The following GALNTL6 variants were observed in gnomAD, a reference collection of about 807,000 sequenced individuals.
GALNTL6 encodes the protein polypeptide N-acetylgalactosaminyltransferase-like 6.
GALNTL6 carries 46 observed loss-of-function variants against 73.7 expected under a neutral mutation model. That is an observed-to-expected ratio of 0.62 (90% CI 0.49 to 0.80). The LOEUF (loss-of-function observed/expected upper bound fraction) is 0.80, where lower values mean the gene tolerates loss of function less well. Among genes scored for constraint, GALNTL6 ranks in the 30% least tolerant of loss-of-function variants. GALNTL6 has a pLI of 0.00. For synonymous variants in GALNTL6, 259 were observed against 263.7 expected, an observed-to-expected ratio of 0.98 and a Z score of 0.17; for missense variants, 604 against 755.0, an observed-to-expected ratio of 0.80 and a Z score of 2.34.
intron 8 of GALNTL6, among the ~76,000 whole-genome samples, chr4:172,930,553 CTATA>C (rs1201861516): frequency 3.3e-5 from 5 of 152,022 alleles, no homozygotes; most frequent in Admixed American, 2.0e-4. Flanking sequence ...AAACAAATAT[CTATA>C]TAAATAAGAT....
At chr4:172,567,173 C>T (rs1285317068) in intron 5 of GALNTL6, among the ~76,000 whole-genome samples, 2 of 151,804 alleles carry the variant, frequency 1.3e-5, no homozygotes, top group African/African-American at 4.9e-5. Context: ...CATCTTCACT[C>T]ATTAGTATTT....
At chr4:171,880,077 T>A (rs894519168) in intron 2 of GALNTL6, among the ~76,000 whole-genome samples, 7 of 152,168 alleles carry the variant, frequency 4.6e-5, no homozygotes, top group African/African-American at 1.7e-4. Flanking sequence ...CCTCAAATTG[T>A]GGATGCCATA....
intron 7 of GALNTL6, among the ~76,000 whole-genome samples, chr4:172,821,749 A>C (rs2111024772): frequency 6.6e-6 from 1 of 152,384 alleles, no homozygotes; most frequent in South Asian, 2.1e-4. Context: ...AAATGGCTCA[A>C]GTGTTTAAAA....
intron 5 of GALNTL6, among the ~76,000 whole-genome samples, chr4:172,535,805 C>T (rs960220254): frequency 1.3e-5 from 2 of 152,134 alleles, no homozygotes; most frequent in African/African-American, 4.8e-5. Flanking sequence ...TCATAGAAGG[C>T]TTTATGGACA....
chr4:172,206,792 G>GTTT (rs1560969239), intron 2 of GALNTL6, among the ~76,000 whole-genome samples: 1 of 34,476 alleles, frequency 2.9e-5, no homozygotes, highest in Non-Finnish European at 8.1e-5. Context: ...GTTTTGTTTT[G>GTTT]TTTTGTTTTT....
intron 5 of GALNTL6, among the ~76,000 whole-genome samples, chr4:172,617,908 G>A (rs1008152580): frequency 1.3e-5 from 2 of 152,082 alleles, no homozygotes; most frequent in African/African-American, 4.8e-5. Context: ...ATGTGACAAT[G>A]TACATTGCCT....
rs796924367 is a variant in GALNTL6 at position 172,076,339 on chromosome 4, T to G, written c.139-153317T>G. 1.8e-4 allele frequency among the ~76,000 whole-genome samples: 28 copies of G among 152,272 alleles called. 1 individual carries two copies. The highest frequency in any genetic ancestry group is 6.0e-4 in the African/African-American group (25 of 41,552). On this transcript the variant is annotated intron_variant, in intron 2 of 12. Transcript: ENST00000506823. ...TTCTGAATCTGGCACATCAGGAGGGTAAAGATGTCGTACTCTTGCTTTCAT... is the reference window on the plus strand; with the variant it reads ...TTCTGAATCTGGCACATCAGGAGGGGAAAGATGTCGTACTCTTGCTTTCAT...
At chr4:171,921,387 C>T (rs572804252) in intron 2 of GALNTL6, among the ~76,000 whole-genome samples, 36 of 152,112 alleles carry the variant, frequency 2.4e-4, no homozygotes, top group Middle Eastern at 3.4e-3. Flanking sequence ...GTCTATCTAC[C>T]TTGTACCTAT....
intron 10 of GALNTL6, among the ~76,000 whole-genome samples, chr4:172,973,473 A>G (rs1034700182): frequency 2.0e-5 from 3 of 152,208 alleles, no homozygotes; most frequent in African/African-American, 4.8e-5. Flanking sequence ...AATTTAGTCA[A>G]TAAGTCCGTG....
At chr4:172,777,298 A>G (rs1739127003) in intron 5 of GALNTL6, among the ~76,000 whole-genome samples, 1 of 152,156 alleles carries the variant, frequency 6.6e-6, no homozygotes, top group African/African-American at 2.4e-5. Flanking sequence ...CCTGCTAATT[A>G]CTCAAAGATT....
intron 5 of GALNTL6, among the ~76,000 whole-genome samples, chr4:172,433,951 C>T (rs1482456235): frequency 6.6e-6 from 1 of 152,086 alleles, no homozygotes; most frequent in Non-Finnish European, 1.5e-5. Context: ...AGTTTACATA[C>T]TCACATACAT....
chr4:172,084,034 A>G (rs1286404810), intron 2 of GALNTL6, among the ~76,000 whole-genome samples: 2 of 152,206 alleles, frequency 1.3e-5, no homozygotes, highest in African/African-American at 4.8e-5. Context: ...CACAAGGCAG[A>G]AGGAACACCT....
chr4:172,659,246 T>C (rs1371130296), intron 5 of GALNTL6, among the ~76,000 whole-genome samples: 1 of 152,122 alleles, frequency 6.6e-6, no homozygotes, highest in Non-Finnish European at 1.5e-5. Context: ...TTAAAATTTT[T>C]ATGTATGCTC....
chr4:172,111,186 T>C (rs1489092098), intron 2 of GALNTL6, among the ~76,000 whole-genome samples: 4 of 152,052 alleles, frequency 2.6e-5, no homozygotes, highest in Non-Finnish European at 5.9e-5. Context: ...TAAATTGAGG[T>C]TTTCTCATAT....
chr4:172,029,169 A>G (rs1212854642), intron 2 of GALNTL6, among the ~76,000 whole-genome samples: 3 of 151,982 alleles, frequency 2.0e-5, no homozygotes, highest in Non-Finnish European at 4.4e-5. Context: ...GGAACAATCT[A>G]TATAAGGGAA....
chr4:172,615,295 C>G (rs1428583859), intron 5 of GALNTL6, among the ~76,000 whole-genome samples: 2 of 151,706 alleles, frequency 1.3e-5, no homozygotes, highest in African/African-American at 2.4e-5. Flanking sequence ...TTATATACCT[C>G]TTATTGTTTT....
intron 2 of GALNTL6, among the ~76,000 whole-genome samples, chr4:171,936,814 C>T (rs937139975): frequency 1.3e-5 from 2 of 152,044 alleles, no homozygotes; most frequent in African/African-American, 4.8e-5. Context: ...CAGAAGAAAA[C>T]ATATTCAAAT....
chr4:172,129,335 A>G (rs1733391668), intron 2 of GALNTL6, among the ~76,000 whole-genome samples: 1 of 152,210 alleles, frequency 6.6e-6, no homozygotes, highest in Non-Finnish European at 1.5e-5. Flanking sequence ...CAGTTCTAAG[A>G]GAAAAACAAC....
chr4:171,889,032 G>C (rs1736685058), intron 2 of GALNTL6, among the ~76,000 whole-genome samples: 1 of 151,852 alleles, frequency 6.6e-6, no homozygotes, highest in African/African-American at 2.4e-5. Context: ...GATCCTTAAA[G>C]AAAAAAGAAA....
Sources: gnomAD v4.1 joint callset for allele counts (sites outside exome capture counted in the v4.1 genomes callset) on GRCh38, gnomAD v4.1.1 for gene constraint, MANE v1.5 for transcripts, NCBI Gene and HGNC (gene_info 2026-07-23, HGNC 2026-07-21) for gene names.